Variants in PRDM16 observed in about 807,000 individuals in gnomAD.
The protein encoded by PRDM16 is PR/SET domain 16.
In PRDM16, 23 loss-of-function variants were observed where a neutral mutation model predicts 110.6. The ratio of observed to expected loss-of-function variants is 0.21; its 90% CI spans 0.15 to 0.29. PRDM16 has a LOEUF of 0.29. Ranked by LOEUF, PRDM16 falls within the 10% of genes least tolerant of loss-of-function variation. PRDM16 has a pLI of 1.00. For synonymous variants in PRDM16, 799 were observed against 781.8 expected (o/e 1.02, Z -0.37); for missense variants, 1,615 against 1,794.3 (o/e 0.90, Z 1.81).
At chr1:3,431,530 A>G (rs144148715) in intron 15 of PRDM16, among the ~76,000 whole-genome samples, 2,841 of 152,306 alleles carry the variant, frequency 0.019, 39 homozygotes, top group Non-Finnish European at 0.029. Context: ...CGCCACCAAT[A>G]TCGGGCCTGG....
chr1:3,184,992 A>T (rs755678212), intron 1 of PRDM16, among the ~76,000 whole-genome samples: 2 of 152,068 alleles, frequency 1.3e-5, no homozygotes, highest in South Asian at 4.2e-4. Context: ...TGGGGAGGGG[A>T]GGTACCGTCC....
intron 3 of PRDM16, among the ~76,000 whole-genome samples, chr1:3,325,323 C>T (rs2100470622): frequency 6.6e-6 from 1 of 152,338 alleles, no homozygotes; most frequent in East Asian, 1.9e-4. Flanking sequence ...GTACGCACAG[C>T]TGCAGAGAGC....
chr1:3,398,839 C>G (rs141308210), intron 5 of PRDM16, among the ~76,000 whole-genome samples: 1 of 152,330 alleles, frequency 6.6e-6, no homozygotes, highest in East Asian at 1.9e-4. Context: ...CATTTCCAAT[C>G]ACTATATTTT....
chr1:3,199,875 G>A (rs956688809), intron 2 of PRDM16, among the ~76,000 whole-genome samples: 2 of 152,242 alleles, frequency 1.3e-5, no homozygotes, highest in Non-Finnish European at 2.9e-5. Context: ...GCTCTCAGAG[G>A]TGACCCTGCC....
chr1:3,124,440 A>T (rs1280886051), intron 1 of PRDM16, among the ~76,000 whole-genome samples: 2 of 152,148 alleles, frequency 1.3e-5, no homozygotes, highest in African/African-American at 4.8e-5. Context: ...TGGCCTCTAA[A>T]CATGACCCAC....
intron 1 of PRDM16, among the ~76,000 whole-genome samples, chr1:3,185,029 C>T (rs962732071): frequency 2.0e-5 from 3 of 152,204 alleles, no homozygotes; most frequent in East Asian, 1.9e-4. Context: ...CTCATTCCCT[C>T]GCAGACGGAC....
At chr1:3,125,935 C>G (rs903549157) in intron 1 of PRDM16, among the ~76,000 whole-genome samples, 1 of 152,172 alleles carries the variant, frequency 6.6e-6, no homozygotes, top group Non-Finnish European at 1.5e-5. Context: ...ATTAGAGGCC[C>G]GAGAGCAATT....
In PRDM16 at chr1:3,412,178, A is replaced by G. The variant is rs1453953544; in HGVS notation, c.1981A>G (p.Ser661Gly). 49 of 1,586,188 alleles carry G rather than the reference A, an allele frequency of 3.1e-5. No homozygotes were observed. The highest frequency in any genetic ancestry group is 4.0e-5 in the Non-Finnish European group (47 of 1,162,776). ...CTTGGCGCCCCCGGGGGCCCCGAACAGCGTGGCCGAGGTGCCTGTCTTCTA... is the reference window on the plus strand; with the variant it reads ...CTTGGCGCCCCCGGGGGCCCCGAACGGCGTGGCCGAGGTGCCTGTCTTCTA... Reference protein sequence around the residue: ...GGLAPPGAPNSVAEVPVFYSQ... With the variant: ...GGLAPPGAPNGVAEVPVFYSQ... Residue 661 changes from serine (S) to glycine (G), a missense_variant, in exon 9 of 17, where the codon AGC (serine) becomes GGC (glycine). Coordinates refer to ENST00000270722, the MANE Select transcript of PRDM16 (RefSeq NM_022114.4).
intron 3 of PRDM16, among the ~76,000 whole-genome samples, chr1:3,280,383 A>G (rs889991545): frequency 6.6e-6 from 1 of 152,190 alleles, no homozygotes; most frequent in Admixed American, 6.5e-5. Context: ...TGGGGCAGGT[A>G]TATCTGGGAG....
In PRDM16 at chr1:3,390,239, G is replaced by A. The variant is rs1408857395; in HGVS notation, c.573+4953G>A. 2.0e-5 allele frequency among the ~76,000 whole-genome samples: 3 copies of A among 152,194 alleles called. No individual in the cohort carries two copies. The highest frequency in any genetic ancestry group is 4.4e-5 in the Non-Finnish European group (3 of 68,032). On this transcript the variant is annotated intron_variant, in intron 4 of 16. Coordinates refer to ENST00000270722, the MANE Select transcript of PRDM16 (RefSeq NM_022114.4). The surrounding 1 kb of genome is among the most constrained non-coding windows in gnomAD (Gnocchi z 5.0). ...TCTTTTTCTCATGTTGCCTCAATAG[G>A]GCAAGAATGTTGGTGGTGGGATGTC...
At chr1:3,354,302 A>G (rs1303880432) in intron 3 of PRDM16, among the ~76,000 whole-genome samples, 2 of 152,078 alleles carry the variant, frequency 1.3e-5, no homozygotes, top group Non-Finnish European at 2.9e-5. Flanking sequence ...TCTACTAAAA[A>G]TACAAAAATT....
intron 3 of PRDM16, among the ~76,000 whole-genome samples, chr1:3,267,679 G>C (rs988174848): frequency 2.0e-5 from 3 of 152,214 alleles, no homozygotes; most frequent in African/African-American, 7.2e-5. Context: ...GGCTGAAGGG[G>C]CGGCCCCTCC....
At chr1:3,259,742 C>A (rs1640122237) in intron 3 of PRDM16, among the ~76,000 whole-genome samples, 1 of 151,840 alleles carries the variant, frequency 6.6e-6, no homozygotes, top group Admixed American at 6.5e-5. Context: ...CCACAACCAG[C>A]CCCAAGCAAG....
chr1:3,317,761 G>A (rs1165777407), intron 3 of PRDM16, among the ~76,000 whole-genome samples: 6 of 152,224 alleles, frequency 3.9e-5, no homozygotes, highest in East Asian at 1.9e-4. Context: ...CACCAGCGCC[G>A]TGAGGATGCA....
intron 2 of PRDM16, among the ~76,000 whole-genome samples, chr1:3,242,181 C>T (rs557976288): frequency 1.4e-3 from 217 of 152,104 alleles, no homozygotes; most frequent in African/African-American, 4.0e-3. Context: ...CAGGACAGGG[C>T]GGGGAGGGCA....
rs35919026 is a variant in PRDM16 at position 3,244,945 on chromosome 1, TG to T, written c.438+817del. Among the ~76,000 whole-genome samples the T allele has an allele frequency of 4.3e-3, 651 of 151,506 alleles. 1 individual carries two copies. The highest frequency in any genetic ancestry group is 0.024 in the Middle Eastern group (7 of 294). On this transcript the variant is annotated intron_variant, in intron 3 of 16. Transcript: ENST00000270722. The surrounding 1 kb of genome is among the most constrained non-coding windows in gnomAD (Gnocchi z 4.1). Reference sequence around the variant, plus strand: ...ACGTGGTGGCTGATCTCCTATTTTTTGGGGGGGGGTTTCTAGTAAAATTAAA... The same window carrying T: ...ACGTGGTGGCTGATCTCCTATTTTTTGGGGGGGGTTTCTAGTAAAATTAAA...
intron 4 of PRDM16, among the ~76,000 whole-genome samples, chr1:3,389,105 C>T (rs559008820): frequency 6.6e-6 from 1 of 152,326 alleles, no homozygotes; most frequent in South Asian, 2.1e-4. Flanking sequence ...CCCCAAGACA[C>T]CTGCCCTGTA....
At chr1:3,281,848 G>A (rs1640717073) in intron 3 of PRDM16, among the ~76,000 whole-genome samples, 1 of 152,258 alleles carries the variant, frequency 6.6e-6, no homozygotes, top group Non-Finnish European at 1.5e-5. Context: ...TAAGGAGCAG[G>A]CAGACGCCAT....
At chr1:3,405,469 C>T (rs992948020) in intron 7 of PRDM16, 26 bp from the exon 8 acceptor site, 14 of 1,534,132 alleles carry the variant, frequency 9.1e-6, no homozygotes, top group East Asian at 7.1e-5. Flanking sequence ...AGGCAGGGCA[C>T]GCGCCAACGG....
Sources: allele counts gnomAD v4.1 joint callset (sites outside exome capture counted in the v4.1 genomes callset), GRCh38; gene constraint gnomAD v4.1.1; non-coding constraint Gnocchi (gnomAD v3.1); transcripts MANE v1.5; gene names NCBI Gene and HGNC (gene_info 2026-07-23, HGNC 2026-07-21).